ACAP2: variants seen among roughly 807,000 people sequenced by gnomAD.
The protein encoded by ACAP2 is ArfGAP with coiled-coil, ankyrin repeat and PH domains 2, also known as arf-GAP with coiled-coil, ANK repeat and PH domain-containing protein 2.
Under a neutral mutation model 115.8 loss-of-function variants are expected in ACAP2, and 39 were observed. The observed-to-expected ratio is 0.34, with a 90% CI of 0.26 to 0.44. ACAP2 has a LOEUF of 0.44. Among genes scored for constraint, ACAP2 ranks in the 20% least tolerant of loss-of-function variants. The probability of loss-of-function intolerance (pLI) is 1.00; values close to 1 mark genes in which losing one functional copy is unlikely to be tolerated. For missense variants in ACAP2, 662 were observed against 927.6 expected (o/e 0.71, Z 3.72); for synonymous variants, 289 against 315.8 (o/e 0.92, Z 0.90).
rs550663940 is a variant in ACAP2, at chr3:195,297,345, T to G, written c.1396-64A>C. 1.9e-3 allele frequency: 2,622 copies of G among 1,405,060 alleles called. 8 individuals are homozygous for G. Among genetic ancestry groups the G allele is most frequent in the Non-Finnish European group, 2.3e-3 (2,321 of 1,021,426 alleles). 87.0% of individuals were successfully genotyped at this position (1,405,060 alleles called of 1,614,324 possible). A position where few individuals can be genotyped will look rare whatever the true frequency, so the allele number is the denominator to read the frequency against. ...TAAAGACCTTAAAATAAGCTAAAAT[T>G]TAAAAATCCTTTAAGCAAGTACAGT... On this transcript the variant is annotated intron_variant, in intron 15 of 22. Transcript: ENST00000326793.
intron 1 of ACAP2, among the ~76,000 whole-genome samples, chr3:195,432,401 C>T (rs930855902): frequency 2.0e-5 from 3 of 152,160 alleles, no homozygotes; most frequent in Non-Finnish European, 1.5e-5. Context: ...CATACTTTCA[C>T]GTGTGGATAT....
intron 15 of ACAP2, 96 bp from the exon 16 acceptor site, chr3:195,297,377 A>C: frequency 1.0e-6 from 1 of 958,692 alleles, no homozygotes; most frequent in Non-Finnish European, 1.6e-6. Flanking sequence ...CAGTTAACTA[A>C]TCCCCTTACA....
chr3:195,360,918 C>G (rs1732316960), intron 4 of ACAP2, among the ~76,000 whole-genome samples: 1 of 149,872 alleles, frequency 6.7e-6, no homozygotes, highest in Admixed American at 6.6e-5. Flanking sequence ...ATTTTTCTTC[C>G]CAGCACATGA....
At position 195,385,257 on chromosome 3, in the gene ACAP2, A is replaced by G. The variant is rs551874947; in HGVS notation, c.112-3235T>C. ...CCTATCTCTGTATTCAAAAAAAAAA[A>G]AAAAAGATTCTTAGCACAAACTTAC... On this transcript the variant is annotated intron_variant, in intron 2 of 22. Coordinates refer to ENST00000326793, the MANE Select transcript of ACAP2 (RefSeq NM_012287.6). Among the ~76,000 whole-genome samples the G allele has an allele frequency of 3.3e-5, 5 of 152,014 alleles. No homozygotes were observed. In the South Asian group the frequency reaches 1.0e-3, roughly 32 times the overall value.
At chr3:195,288,391 T>C (rs1449537138) in intron 21 of ACAP2, among the ~76,000 whole-genome samples, 1 of 152,180 alleles carries the variant, frequency 6.6e-6, no homozygotes, top group Non-Finnish European at 1.5e-5. Context: ...GAGAAGTACA[T>C]GGCACAAAGT....
chr3:195,369,591 C>G (rs942819898), intron 4 of ACAP2, among the ~76,000 whole-genome samples: 5 of 152,162 alleles, frequency 3.3e-5, no homozygotes, highest in African/African-American at 7.2e-5. Flanking sequence ...AGGACATGAT[C>G]TCATTTTTAT....
At chr3:195,382,175 T>C (rs550732336) in intron 2 of ACAP2, among the ~76,000 whole-genome samples, 153 bp from the exon 3 acceptor site, 1 of 152,356 alleles carries the variant, frequency 6.6e-6, no homozygotes, top group Non-Finnish European at 1.5e-5. Flanking sequence ...AGTATTCTTT[T>C]TTCCTTCAGC....
At chr3:195,301,850 A>G (rs938168669) in intron 14 of ACAP2, 116 bp downstream of exon 14, 7 of 1,309,768 alleles carry the variant, frequency 5.3e-6, no homozygotes, top group Non-Finnish European at 7.5e-6. Flanking sequence ...AGGTACAAAG[A>G]TACAAACTGG....
At chr3:195,405,685 C>CAAA (rs879358608) in intron 1 of ACAP2, among the ~76,000 whole-genome samples, 1 of 122,234 alleles carries the variant, frequency 8.2e-6, no homozygotes, top group Non-Finnish European at 1.8e-5. Flanking sequence ...GACTCCATCT[C>CAAA]AAAAAAAAAA....
chr3:195,342,391 T>C, intron 6 of ACAP2, 80 bp downstream of exon 6: 1 of 1,348,542 alleles, frequency 7.4e-7, no homozygotes, highest in Non-Finnish European at 1.0e-6. Context: ...GTATTTATTC[T>C]TCTTAGGGCG....
At chr3:195,424,770 A>G (rs530414133) in intron 1 of ACAP2, among the ~76,000 whole-genome samples, 81 of 151,918 alleles carry the variant, frequency 5.3e-4, no homozygotes, top group African/African-American at 1.8e-3. Flanking sequence ...TTAAAAAATT[A>G]GCTGGGCACA....
chr3:195,416,164 G>A (rs748796179), intron 1 of ACAP2, among the ~76,000 whole-genome samples: 114 of 152,138 alleles, frequency 7.5e-4, no homozygotes, highest in African/African-American at 2.5e-3. Flanking sequence ...TGGCTAACAC[G>A]GTGAAACCCT....
At chr3:195,322,780 G>C (rs529858191) in intron 9 of ACAP2, among the ~76,000 whole-genome samples, 55 of 152,294 alleles carry the variant, frequency 3.6e-4, no homozygotes, top group African/African-American at 1.3e-3. Flanking sequence ...CAACTTAAAA[G>C]ACTTCTTTGA....
At chr3:195,377,745 G>C (rs966406359) in intron 4 of ACAP2, among the ~76,000 whole-genome samples, 2 of 152,092 alleles carry the variant, frequency 1.3e-5, no homozygotes, top group Non-Finnish European at 2.9e-5. Flanking sequence ...TTAAAAGAAA[G>C]TAAACCAAGG....
At chr3:195,407,035 T>C (rs1712830680) in intron 1 of ACAP2, among the ~76,000 whole-genome samples, 1 of 151,584 alleles carries the variant, frequency 6.6e-6, no homozygotes, top group African/African-American at 2.4e-5. Flanking sequence ...AAGGATCCTA[T>C]GAGAGAGAGA....
rs1726243460 is a variant in ACAP2, at chr3:195,277,991, G to A, written c.*1337C>T. 6.6e-6 allele frequency: 1 copy of A among 151,142 alleles called. No individual in the cohort carries two copies. Among genetic ancestry groups the A allele is most frequent in the Admixed American group, 6.6e-5 (1 of 15,120 alleles). 9.4% of individuals were successfully genotyped at this position (151,142 alleles called of 1,614,324 possible). On this transcript the variant is annotated 3_prime_UTR_variant, in exon 23 of 23. Coordinates refer to ENST00000326793, the MANE Select transcript of ACAP2 (RefSeq NM_012287.6). The stretch of plus-strand genomic sequence containing the variant: ...AGCTACTCGGGAGGCTGAGGCAGGA[G>A]AATTGCTTGAACCCAAGAGGAGGAG...
intron 6 of ACAP2, among the ~76,000 whole-genome samples, chr3:195,339,050 G>A (rs1730700709): frequency 6.6e-6 from 1 of 152,076 alleles, no homozygotes; most frequent in African/African-American, 2.4e-5. Context: ...GGCCAACATG[G>A]TGAAACCCCA....
intron 4 of ACAP2, among the ~76,000 whole-genome samples, chr3:195,347,372 A>G (rs1407270064): frequency 6.6e-6 from 1 of 152,204 alleles, no homozygotes; most frequent in East Asian, 1.9e-4. Context: ...TTAAAAAGAG[A>G]GAACTACTGA....
At chr3:195,398,832 T>C (rs1257118526) in intron 1 of ACAP2, among the ~76,000 whole-genome samples, 1 of 152,052 alleles carries the variant, frequency 6.6e-6, no homozygotes, top group Non-Finnish European at 1.5e-5. Context: ...AGAAATTCAG[T>C]CCTGTAATAG....
Sources: gnomAD v4.1 joint callset for allele counts (sites outside exome capture counted in the v4.1 genomes callset) on GRCh38, gnomAD v4.1.1 for gene constraint, MANE v1.5 for transcripts, NCBI Gene and HGNC (gene_info 2026-07-23, HGNC 2026-07-21) for gene names.